The following ANGPTL1 variants were observed in gnomAD, a reference collection of about 807,000 sequenced individuals.
ANGPTL1 encodes the protein angiopoietin like 1, also known as angiopoietin-related protein 1.
ANGPTL1 carries 36 observed loss-of-function variants against 46.7 expected under a neutral mutation model. The ratio of observed to expected loss-of-function variants is 0.77; its 90% CI spans 0.59 to 1.02. The LOEUF is 1.02. ANGPTL1 is among the 50% of genes least tolerant of loss of function. The probability of loss-of-function intolerance (pLI) is 0.00; values close to 1 mark genes in which losing one functional copy is unlikely to be tolerated. For synonymous variants in ANGPTL1, 221 were observed against 204.3 expected, an observed-to-expected ratio of 1.08 and a Z score of -0.69; for missense variants, 571 against 594.7, an observed-to-expected ratio of 0.96 and a Z score of 0.41.
chr1:178,859,511 T>C (rs1657818891), intron 3 of ANGPTL1, among the ~76,000 whole-genome samples: 1 of 146,890 alleles, frequency 6.8e-6, no homozygotes. Context: ...TCAAGCAATT[T>C]TCCTGCCTCA....
At chr1:178,870,350 C>T (rs777429413) in intron 1 of ANGPTL1, among the ~76,000 whole-genome samples, 1 of 152,128 alleles carries the variant, frequency 6.6e-6, no homozygotes, top group Non-Finnish European at 1.5e-5. Context: ...GGAAGAGAAA[C>T]TAATTGTGTT....
chr1:178,852,552 G>C, intron 5 of ANGPTL1, 131 bp downstream of exon 5: 1 of 814,654 alleles, frequency 1.2e-6, no homozygotes, highest in Non-Finnish European at 1.8e-6. Flanking sequence ...TCAGTAGGTT[G>C]GTTGTATTTC....
chr1:178,865,939 C>T, intron 2 of ANGPTL1, 137 bp from the exon 3 acceptor site: 1 of 529,492 alleles, frequency 1.9e-6, no homozygotes, highest in Non-Finnish European at 3.2e-6. Context: ...CTAGAATTAA[C>T]TTTATTAATT....
chr1:178,864,535 TA>T (rs1312904048), intron 3 of ANGPTL1, among the ~76,000 whole-genome samples: 1 of 152,150 alleles, frequency 6.6e-6, no homozygotes, highest in Non-Finnish European at 1.5e-5. Flanking sequence ...AGCAAAATTT[TA>T]CATGTTTCTT....
rs937392812 is a variant in ANGPTL1 at position 178,870,798 on chromosome 1, T to A, written c.-194A>T. The stretch of plus-strand genomic sequence containing the variant: ...AACTTGCTGCCCTTATTCTTGATTT[T>A]AAAAATCAGTGTAGAAGTTTGTTCA... On this transcript the variant is annotated 5_prime_UTR_variant, in exon 1 of 6. Transcript: ENST00000234816. 1.3e-5 allele frequency: 2 copies of A among 152,332 alleles called. No individual in the cohort carries two copies. Among genetic ancestry groups the A allele is most frequent in the South Asian group, 4.1e-4 (2 of 4,832 alleles). The allele number at this position is 152,332 out of a possible 1,614,324, so 9.4% of individuals were successfully genotyped here.
chr1:178,854,245 G>A (rs542720989), intron 3 of ANGPTL1, among the ~76,000 whole-genome samples: 16 of 151,984 alleles, frequency 1.1e-4, no homozygotes, highest in Admixed American at 7.9e-4. Context: ...CTGAGGGATC[G>A]ATCTACTGGA....
chr1:178,862,062 G>A (rs1170102082), intron 3 of ANGPTL1, among the ~76,000 whole-genome samples: 1 of 151,904 alleles, frequency 6.6e-6, no homozygotes, highest in Admixed American at 6.6e-5. Context: ...TAGTAGAGAC[G>A]GGGTTTCACC....
rs1553272413 is a variant in ANGPTL1, at chr1:178,863,387, C to CGT, written c.823+1566_823+1567insAC. Among the ~76,000 whole-genome samples the CGT allele has an allele frequency of 6.7e-3, 1,016 of 151,968 alleles. 8 individuals are homozygous for CGT. Among genetic ancestry groups the CGT allele is most frequent in the African/African-American group, 0.023 (941 of 41,404 alleles). ...GCATTCAGACCAGCAAGGAGACAGA[C>CGT]ATAAATAAATAACTTCAGTGTAATA... On this transcript the variant is annotated intron_variant, in intron 3 of 5. Transcript: ENST00000234816.
intron 2 of ANGPTL1, among the ~76,000 whole-genome samples, chr1:178,866,981 G>A (rs529172283): frequency 9.2e-5 from 14 of 152,184 alleles, no homozygotes; most frequent in Admixed American, 8.5e-4. Context: ...CTACTAACGA[G>A]CTGGTCTATT....
Position 178,853,665 on chromosome 1 carries a change from C to T in ANGPTL1, c.946G>A (p.Gly316Arg), listed in dbSNP as rs1455804366. 1.9e-6 allele frequency: 3 copies of T among 1,612,780 alleles called. No individual in the cohort carries two copies. The highest frequency in any genetic ancestry group is 1.3e-5 in the African/African-American group (1 of 74,902). ...CTTTTCTGAATAACAGTCCAACCCC[C>T]AGGGTCCAAACTGTTTTCACACCAT... ...QLWCENSLDP[G>R]GWTVIQKRTD... Residue 316 changes from glycine (G) to arginine (R), a missense_variant, in exon 4 of 6, where the codon GGG (glycine) becomes AGG (arginine). Coordinates refer to ENST00000234816, the MANE Select transcript of ANGPTL1 (RefSeq NM_004673.4).
At chr1:178,857,066 G>T (rs1248336296) in intron 3 of ANGPTL1, among the ~76,000 whole-genome samples, 1 of 152,116 alleles carries the variant, frequency 6.6e-6, no homozygotes, top group African/African-American at 2.4e-5. Flanking sequence ...TAGGAAGGAA[G>T]GGTAAAGAGC....
At position 178,865,674 on chromosome 1, in the gene ANGPTL1, T is replaced by C; in HGVS notation, c.103A>G (p.Arg35Gly). ...TTACCATCTGTGGCACGAGGGTATCTTCTCTGGTTTATTTTTTTAATTTTG... is the reference window on the plus strand; with the variant it reads ...TTACCATCTGTGGCACGAGGGTATCCTCTCTGGTTTATTTTTTTAATTTTG... ...QFKIKKINQR[R>G]YPRATDGKEE... Residue 35 changes from arginine (R) to glycine (G), a missense_variant, in exon 3 of 6, where the codon AGA becomes GGA. Arg to Gly is a moderately radical substitution (Grantham distance 125). Transcript: ENST00000234816. 6.2e-7 allele frequency: 1 copy of C among 1,614,100 alleles called. No individual in the cohort carries two copies.
chr1:178,856,122 A>G (rs1343358180), intron 3 of ANGPTL1, among the ~76,000 whole-genome samples: 3 of 148,298 alleles, frequency 2.0e-5, no homozygotes, highest in African/African-American at 7.4e-5. Flanking sequence ...TTATCCTTAT[A>G]AGAATTTCTG....
intron 1 of ANGPTL1, among the ~76,000 whole-genome samples, chr1:178,869,851 A>G (rs1658640775): frequency 6.6e-6 from 1 of 152,084 alleles, no homozygotes; most frequent in Non-Finnish European, 1.5e-5. Flanking sequence ...TTTATCTTTA[A>G]TAGTTTTTAT....
chr1:178,864,894 T>C (rs563773875), intron 3 of ANGPTL1, 60 bp downstream of exon 3: 87 of 1,164,180 alleles, frequency 7.5e-5, no homozygotes, highest in Non-Finnish European at 9.5e-5. Context: ...GAGCATTGTT[T>C]CATAAGGCAT....
At chr1:178,853,045 G>T (rs1226502792) in intron 4 of ANGPTL1, 92 bp from the exon 5 acceptor site, 8 of 1,486,744 alleles carry the variant, frequency 5.4e-6, no homozygotes, top group Middle Eastern at 2.0e-4. Context: ...ATAGCATAAA[G>T]ATACTGGCCA....
intron 3 of ANGPTL1, among the ~76,000 whole-genome samples, chr1:178,862,404 A>C (rs1015931599): frequency 1.1e-4 from 17 of 152,070 alleles, no homozygotes; most frequent in Admixed American, 7.9e-4. Context: ...ACCAGGAAGG[A>C]GCTTATAATA....
At chr1:178,868,812 T>A (rs1225943211) in intron 2 of ANGPTL1, among the ~76,000 whole-genome samples, 2 of 151,970 alleles carry the variant, frequency 1.3e-5, no homozygotes, top group Non-Finnish European at 2.9e-5. Context: ...GTTTAGTTTT[T>A]AAATAAATAT....
chr1:178,858,275 A>C (rs1022241077), intron 3 of ANGPTL1, among the ~76,000 whole-genome samples: 2 of 152,062 alleles, frequency 1.3e-5, no homozygotes, highest in Non-Finnish European at 2.9e-5. Context: ...TGAAAATCTT[A>C]TTTACTTTCT....
Sources: allele counts gnomAD v4.1 joint callset (sites outside exome capture counted in the v4.1 genomes callset), GRCh38; gene constraint gnomAD v4.1.1; transcripts MANE v1.5; gene names NCBI Gene and HGNC (gene_info 2026-07-23, HGNC 2026-07-21).